DENND4C: variants seen among roughly 807,000 people sequenced by gnomAD.
DENND4C encodes the protein DENN domain-containing protein 4C.
A neutral mutation model predicts 203.0 loss-of-function variants in DENND4C; 108 were observed. That is an observed-to-expected ratio of 0.53 (90% CI 0.46 to 0.62). DENND4C has a LOEUF of 0.62. Ranked by LOEUF, DENND4C falls within the 20% of genes least tolerant of loss-of-function variation. The pLI, the probability that DENND4C is intolerant of heterozygous loss-of-function variation, is 0.00. For missense variants in DENND4C, 2,481 were observed against 2,301.2 expected (o/e 1.08, Z -1.60); for synonymous variants, 871 against 792.4 (o/e 1.10, Z -1.67).
At chr9:19,365,797 A>G (rs1017039730) in intron 30 of DENND4C, among the ~76,000 whole-genome samples, 3 of 152,054 alleles carry the variant, frequency 2.0e-5, no homozygotes, top group Admixed American at 6.6e-5. Context: ...ATAATTCAAA[A>G]TGAAACTAAG....
intron 2 of DENND4C, among the ~76,000 whole-genome samples, chr9:19,282,166 A>G (rs1176688850): frequency 6.6e-6 from 1 of 151,690 alleles, no homozygotes; most frequent in East Asian, 1.9e-4. Flanking sequence ...AACACTTACC[A>G]TACAGCTGTA....
intron 30 of DENND4C, among the ~76,000 whole-genome samples, chr9:19,368,591 G>T (rs181290877): frequency 6.6e-6 from 1 of 152,258 alleles, no homozygotes; most frequent in East Asian, 1.9e-4. Context: ...GGGACCAGGA[G>T]TTTGAGACTA....
chr9:19,349,006 A>G (rs112189739), intron 23 of DENND4C, among the ~76,000 whole-genome samples: 18 of 152,122 alleles, frequency 1.2e-4, no homozygotes, highest in African/African-American at 4.1e-4. Flanking sequence ...GGGTCTTGCT[A>G]TGTTGCCCAA....
intron 1 of DENND4C, among the ~76,000 whole-genome samples, chr9:19,267,389 T>G (rs569664983): frequency 6.6e-6 from 1 of 152,346 alleles, no homozygotes; most frequent in East Asian, 1.9e-4. Flanking sequence ...GGTTTTTATC[T>G]TAAAATCTGT....
rs372496390 is a variant in DENND4C at position 19,243,017 on chromosome 9, A to T, written c.-18+12184A>T. 5.9e-5 allele frequency among the ~76,000 whole-genome samples: 9 copies of T among 152,108 alleles called. No individual in the cohort carries two copies. In the East Asian group the frequency reaches 1.3e-3, roughly 23 times the overall value. ...AATTTACACACCATAAAATTCACCA[A>T]TTTAAAGGGGGGTATCTTGATGTTT... On this transcript the variant is annotated intron_variant, in intron 1 of 32. Transcript: ENST00000434457.
intron 1 of DENND4C, among the ~76,000 whole-genome samples, chr9:19,252,627 G>A (rs1462236017): frequency 6.6e-6 from 1 of 151,994 alleles, no homozygotes; most frequent in Non-Finnish European, 1.5e-5. Context: ...TCCTTTCAAT[G>A]TGGTTGTGTT....
intron 2 of DENND4C, among the ~76,000 whole-genome samples, chr9:19,282,373 C>T (rs546159849): frequency 6.6e-6 from 1 of 151,296 alleles, no homozygotes; most frequent in Non-Finnish European, 1.5e-5. Context: ...ATCCTTTCAC[C>T]TCAGCTTCCT....
chr9:19,350,552 A>G, intron 23 of DENND4C, 150 bp from the exon 24 acceptor site: 2 of 615,268 alleles, frequency 3.3e-6, no homozygotes, highest in Non-Finnish European at 5.4e-6. Flanking sequence ...AAGTGAAATA[A>G]TAGTGAGGAG....
chr9:19,246,847 A>G (rs1192327063), intron 1 of DENND4C, among the ~76,000 whole-genome samples: 1 of 152,200 alleles, frequency 6.6e-6, no homozygotes, highest in East Asian at 1.9e-4. Context: ...TAACTTCAAT[A>G]GGGATGGCAA....
At chr9:19,320,228 T>C (rs746820117) in intron 12 of DENND4C, among the ~76,000 whole-genome samples, 2 of 152,054 alleles carry the variant, frequency 1.3e-5, no homozygotes, top group African/African-American at 4.8e-5. Context: ...AGACAGAGTC[T>C]TTGCTGTGTT....
At chr9:19,353,633 AAAC>A (rs1319408800) in intron 26 of DENND4C, among the ~76,000 whole-genome samples, 1 of 151,742 alleles carries the variant, frequency 6.6e-6, no homozygotes, top group South Asian at 2.1e-4. Flanking sequence ...GTCTCTGAAA[AAAC>A]AACAAAAACA....
rs1466994893 is a variant in DENND4C at position 19,358,709 on chromosome 9, T to C, written c.5160+549T>C. On this transcript the variant is annotated intron_variant, in intron 28 of 32. Transcript: ENST00000434457. This position sits in a 1 kb window ranked among gnomAD's most constrained non-coding sequence, Gnocchi z 4.8. ...CACTTGGTTGATATAGTTTTTAGTC[T>C]TTTTGAATCTGTAGACTCTTTTCCT... Among the ~76,000 whole-genome samples, 1 of 151,884 alleles carries C rather than the reference T, an allele frequency of 6.6e-6. No homozygotes were observed. Among genetic ancestry groups the C allele is most frequent in the Non-Finnish European group, 1.5e-5 (1 of 68,028 alleles).
rs764553569 is a variant in DENND4C, at chr9:19,358,211, ATAG to A, written c.5160+55_5160+57del. ...TTATACTGCATACACACCTAAGTAT[ATAG>A]TAGAACATTATAAATTCTTCTGTAG... On this transcript the variant is annotated intron_variant, in intron 28 of 32. Transcript: ENST00000434457. This position sits in a 1 kb window ranked among gnomAD's most constrained non-coding sequence, Gnocchi z 4.8. 9.4e-6 allele frequency: 13 copies of A among 1,381,480 alleles called. No individual in the cohort carries two copies. The highest frequency in any genetic ancestry group is 1.2e-5 in the Non-Finnish European group (12 of 1,013,856). The allele number at this position is 1,381,480 out of a possible 1,614,324, so 85.6% of individuals were successfully genotyped here. A position where few individuals can be genotyped will look rare whatever the true frequency, so the allele number is the denominator to read the frequency against.
intron 12 of DENND4C, among the ~76,000 whole-genome samples, chr9:19,318,148 G>C (rs959975826): frequency 6.6e-6 from 1 of 152,018 alleles, no homozygotes; most frequent in East Asian, 1.9e-4. Flanking sequence ...GTGAAACCCT[G>C]TCTCTACGAA....
chr9:19,284,954 T>G (rs1026715744), intron 2 of DENND4C, among the ~76,000 whole-genome samples: 3 of 152,178 alleles, frequency 2.0e-5, no homozygotes, highest in Non-Finnish European at 2.9e-5. Flanking sequence ...CATAGTCTTT[T>G]CCCACTGCTA....
chr9:19,321,464 C>G (rs796319679), intron 12 of DENND4C, among the ~76,000 whole-genome samples: 4 of 151,116 alleles, frequency 2.6e-5, no homozygotes, highest in African/African-American at 9.7e-5. Flanking sequence ...AGGAGCAGAT[C>G]GAAGGTTTTT....
chr9:19,330,765 G>C (rs1175321162), intron 16 of DENND4C, among the ~76,000 whole-genome samples: 3 of 152,034 alleles, frequency 2.0e-5, no homozygotes, highest in Non-Finnish European at 4.4e-5. Context: ...AAGCTCAGCA[G>C]ATGGCTGGGC....
At chr9:19,246,504 A>G (rs551794461) in intron 1 of DENND4C, among the ~76,000 whole-genome samples, 15 of 152,256 alleles carry the variant, frequency 9.9e-5, no homozygotes, top group African/African-American at 2.9e-4. Context: ...TTGGCTTCCC[A>G]AAGTGTTGGG....
chr9:19,320,368 T>G (rs1249832143), intron 12 of DENND4C, among the ~76,000 whole-genome samples: 3 of 152,122 alleles, frequency 2.0e-5, no homozygotes, highest in Non-Finnish European at 4.4e-5. Context: ...CTGGCTAATT[T>G]TTGTATTTTA....
Sources: gnomAD v4.1 joint callset for allele counts (sites outside exome capture counted in the v4.1 genomes callset) on GRCh38, gnomAD v4.1.1 for gene constraint, Gnocchi (gnomAD v3.1) non-coding constraint, MANE v1.5 for transcripts, NCBI Gene and HGNC (gene_info 2026-07-23, HGNC 2026-07-21) for gene names.